Variants in GPC6 observed in about 807,000 individuals in gnomAD.
GPC6 encodes the protein glypican-6.
Under a neutral mutation model 55.2 loss-of-function variants are expected in GPC6, and 14 were observed. That is an observed-to-expected ratio of 0.25 (90% CI 0.17 to 0.40). GPC6 has a LOEUF of 0.40. Ranked by LOEUF, GPC6 falls within the 10% of genes least tolerant of loss-of-function variation. GPC6 has a pLI of 1.00. For missense variants in GPC6, 641 were observed against 708.5 expected, an observed-to-expected ratio of 0.90 and a Z score of 1.08; for synonymous variants, 278 against 259.6, an observed-to-expected ratio of 1.07 and a Z score of -0.68.
intron 4 of GPC6, among the ~76,000 whole-genome samples, chr13:94,203,399 G>A (rs901940009): frequency 2.6e-5 from 4 of 151,878 alleles, no homozygotes; most frequent in Non-Finnish European, 5.9e-5. Flanking sequence ...ATTTATATTG[G>A]TTCTGGAAAG....
chr13:93,521,771 C>A (rs752987435), intron 1 of GPC6, among the ~76,000 whole-genome samples: 1 of 151,962 alleles, frequency 6.6e-6, no homozygotes, highest in Non-Finnish European at 1.5e-5. Flanking sequence ...CATTCCCCAG[C>A]TATGTGTTTA....
In GPC6 at chr13:93,322,659, C is replaced by A. The variant is rs915835883; in HGVS notation, c.160+95043C>A. ...TTCACCATGTTGGCCAGGCTGGTGT[C>A]GAACTCCTGACCTCAGGTGATCCGC... On this transcript the variant is annotated intron_variant, in intron 1 of 8. Coordinates refer to ENST00000377047, the MANE Select transcript of GPC6 (RefSeq NM_005708.5). 4.0e-5 allele frequency among the ~76,000 whole-genome samples: 6 copies of A among 151,776 alleles called. No homozygotes were observed. The South Asian group carries it at 1.2e-3, about 32-fold the overall frequency.
At chr13:93,293,513 A>ATAT (rs1555288283) in intron 1 of GPC6, among the ~76,000 whole-genome samples, 46 of 151,648 alleles carry the variant, frequency 3.0e-4, no homozygotes, top group South Asian at 2.3e-3. Flanking sequence ...ATTTGTGAAA[A>ATAT]TGTAAGATTA....
intron 3 of GPC6, among the ~76,000 whole-genome samples, chr13:93,924,950 G>A (rs1877776336): frequency 6.6e-6 from 1 of 152,200 alleles, no homozygotes; most frequent in Non-Finnish European, 1.5e-5. Flanking sequence ...CATCACAGTG[G>A]CCAGTTTGGA....
At chr13:94,372,148 G>A (rs1879577892) in intron 6 of GPC6, among the ~76,000 whole-genome samples, 1 of 150,092 alleles carries the variant, frequency 6.7e-6, no homozygotes, top group South Asian at 2.1e-4. Flanking sequence ...TCTTTCACTT[G>A]CCCTCTTTTG....
intron 2 of GPC6, among the ~76,000 whole-genome samples, chr13:93,611,732 T>C (rs950134426): frequency 3.3e-5 from 5 of 152,212 alleles, no homozygotes; most frequent in African/African-American, 1.2e-4. Context: ...GCGGATATTT[T>C]CAGATAATAC....
chr13:93,583,281 CCTT>C, intron 2 of GPC6, among the ~76,000 whole-genome samples: 1 of 152,180 alleles, frequency 6.6e-6, no homozygotes, highest in East Asian at 1.9e-4. Context: ...TAAGAGTCAA[CCTT>C]CTGTATCTCT....
intron 2 of GPC6, among the ~76,000 whole-genome samples, chr13:93,806,879 C>A (rs1034810769): frequency 1.3e-5 from 2 of 152,074 alleles, no homozygotes; most frequent in African/African-American, 4.8e-5. Context: ...TGTCTGTATT[C>A]TCAGTATAAA....
chr13:93,417,717 A>T (rs975277394), intron 1 of GPC6, among the ~76,000 whole-genome samples: 18 of 151,224 alleles, frequency 1.2e-4, no homozygotes, highest in African/African-American at 4.1e-4. Context: ...TGTTGTACAC[A>T]TGTTTTTAAA....
chr13:93,822,833 T>G (rs899134688), intron 2 of GPC6, among the ~76,000 whole-genome samples: 2 of 141,536 alleles, frequency 1.4e-5, no homozygotes, highest in Non-Finnish European at 3.0e-5. Context: ...ATTTTCTTTA[T>G]TATTATTATT....
chr13:93,739,345 G>GT (rs1192155643), intron 2 of GPC6, among the ~76,000 whole-genome samples: 1 of 151,796 alleles, frequency 6.6e-6, no homozygotes, highest in African/African-American at 2.4e-5. Context: ...CATTTTTCCT[G>GT]TATGTATTAA....
At chr13:94,108,855 A>AC (rs1886146033) in intron 4 of GPC6, among the ~76,000 whole-genome samples, 1 of 55,478 alleles carries the variant, frequency 1.8e-5, no homozygotes, top group Non-Finnish European at 4.3e-5. Flanking sequence ...AAAAAAAAAC[A>AC]AAAAAAAAAA....
At chr13:93,225,442 A>T (rs956033007), upstream of GPC6, among the ~76,000 whole-genome samples, 4 of 152,240 alleles carry the variant, frequency 2.6e-5, no homozygotes, top group African/African-American at 9.6e-5. Context: ...TTTAAGAGAA[A>T]AAAAGTTAAG....
At chr13:94,344,412 A>T (rs1328267696) in intron 6 of GPC6, among the ~76,000 whole-genome samples, 1 of 152,218 alleles carries the variant, frequency 6.6e-6, no homozygotes, top group Non-Finnish European at 1.5e-5. Flanking sequence ...ATGAAACAAC[A>T]ATCTCCACGA....
chr13:93,987,801 T>TAA (rs1368526492), intron 3 of GPC6, among the ~76,000 whole-genome samples: 2 of 152,222 alleles, frequency 1.3e-5, no homozygotes. Context: ...TGCTTTATTA[T>TAA]TACTGTTTTT....
At chr13:94,205,133 G>A (rs900189462) in intron 4 of GPC6, among the ~76,000 whole-genome samples, 2 of 152,124 alleles carry the variant, frequency 1.3e-5, no homozygotes, top group Non-Finnish European at 1.5e-5. Flanking sequence ...AAAAATATGT[G>A]CTTCCTTGAT....
chr13:94,101,584 A>C (rs1477820759), intron 4 of GPC6, among the ~76,000 whole-genome samples: 3 of 152,196 alleles, frequency 2.0e-5, no homozygotes, highest in Non-Finnish European at 4.4e-5. Context: ...CCTTATATGA[A>C]AGGTCTTATA....
intron 4 of GPC6, among the ~76,000 whole-genome samples, chr13:94,175,650 T>C (rs1263630505): frequency 6.6e-6 from 1 of 152,042 alleles, no homozygotes; most frequent in East Asian, 1.9e-4. Context: ...GATGTACTGC[T>C]TCTTTGCTAA....
intron 4 of GPC6, among the ~76,000 whole-genome samples, chr13:94,143,276 G>T (rs908382460): frequency 3.3e-5 from 5 of 151,936 alleles, no homozygotes; most frequent in African/African-American, 1.2e-4. Flanking sequence ...ATTTTTCGTT[G>T]GACTTTTTAT....
Sources: gnomAD v4.1 joint callset for allele counts (sites outside exome capture counted in the v4.1 genomes callset) on GRCh38, gnomAD v4.1.1 for gene constraint, MANE v1.5 for transcripts, NCBI Gene and HGNC (gene_info 2026-07-23, HGNC 2026-07-21) for gene names.